The following CALB2 variants were observed in gnomAD, a reference collection of about 807,000 sequenced individuals.
CALB2 encodes the protein calbindin 2, also known as calretinin.
Under a neutral mutation model 45.9 loss-of-function variants are expected in CALB2, and 34 were observed. That is an observed-to-expected ratio of 0.74 (90% CI 0.56 to 0.99). CALB2 has a LOEUF of 0.99. Ranked by LOEUF, CALB2 falls within the 50% of genes least tolerant of loss-of-function variation. The probability of loss-of-function intolerance (pLI) is 0.00; values close to 1 mark genes in which losing one functional copy is unlikely to be tolerated. For missense variants in CALB2, 344 were observed against 339.3 expected (o/e 1.01, Z -0.11); for synonymous variants, 142 against 129.6 (o/e 1.10, Z -0.65).
At chr16:71,368,757 C>A (rs922298115) in intron 1 of CALB2, among the ~76,000 whole-genome samples, 7 of 152,034 alleles carry the variant, frequency 4.6e-5, no homozygotes, top group Non-Finnish European at 2.9e-5. Flanking sequence ...ACAGGTCTTA[C>A]CCATAGTGAG....
At chr16:71,380,286 C>G (rs1449018659) in intron 4 of CALB2, among the ~76,000 whole-genome samples, 2 of 106,794 alleles carry the variant, frequency 1.9e-5, no homozygotes, top group Non-Finnish European at 3.5e-5. Context: ...TTCTTTCCTT[C>G]CTTTTCTTTT....
At chr16:71,361,289 G>A (rs1234961387) in intron 1 of CALB2, among the ~76,000 whole-genome samples, 1 of 152,176 alleles carries the variant, frequency 6.6e-6, no homozygotes, top group Non-Finnish European at 1.5e-5. Context: ...AGGTGACTTA[G>A]GAAGATATGT....
chr16:71,358,940 A>C, intron 1 of CALB2, 54 bp downstream of exon 1: 1 of 1,509,444 alleles, frequency 6.6e-7, no homozygotes, highest in Non-Finnish European at 9.1e-7. Context: ...ACCTGCGGTG[A>C]AGGGGGCAGG....
At chr16:71,384,066 C>T (rs1238860168) in intron 7 of CALB2, 41 bp downstream of exon 7, 1 of 1,590,160 alleles carries the variant, frequency 6.3e-7, no homozygotes, top group African/African-American at 1.3e-5. Context: ...CTGGCTCCCA[C>T]AGGTCATTCC....
At chr16:71,387,932 C>T (rs764791431) in intron 10 of CALB2, among the ~76,000 whole-genome samples, 1 of 152,010 alleles carries the variant, frequency 6.6e-6, no homozygotes, top group African/African-American at 2.4e-5. Flanking sequence ...AAAAGAGAAG[C>T]CCCGGCACAA....
intron 1 of CALB2, among the ~76,000 whole-genome samples, chr16:71,363,483 C>T (rs2042253539): frequency 6.6e-6 from 1 of 152,202 alleles, no homozygotes; most frequent in African/African-American, 2.4e-5. Context: ...CTCTGAAACC[C>T]AGTGACCTGG....
intron 1 of CALB2, among the ~76,000 whole-genome samples, chr16:71,371,180 C>T (rs1291557902): frequency 6.6e-6 from 1 of 152,184 alleles, no homozygotes; most frequent in Admixed American, 6.5e-5. Context: ...TTGGTAAGCA[C>T]AGCAGAACCA....
At chr16:71,383,841 C>A in intron 6 of CALB2, 129 bp from the exon 7 acceptor site, 2 of 1,062,432 alleles carry the variant, frequency 1.9e-6, no homozygotes, top group Non-Finnish European at 2.9e-6. Flanking sequence ...TGGTTCTTGG[C>A]CCCTACGGAC....
At position 71,390,056 on chromosome 16, in the gene CALB2, C is replaced by T. The variant is rs1418039036; in HGVS notation, c.*191C>T. 19 of 580,838 alleles carry T rather than the reference C, an allele frequency of 3.3e-5. No homozygotes were observed. The highest frequency in any genetic ancestry group is 5.5e-5 in the Non-Finnish European group (18 of 324,334). 36.0% of individuals were successfully genotyped at this position (580,838 alleles called of 1,614,324 possible). A position where few individuals can be genotyped will look rare whatever the true frequency, so the allele number is the denominator to read the frequency against. On this transcript the variant is annotated 3_prime_UTR_variant, in exon 11 of 11. Coordinates refer to ENST00000302628, the MANE Select transcript of CALB2 (RefSeq NM_001740.5). ...GCTGTCCTGAGCCCCCTGCACCCAC[C>T]CCTGCCCAGGCAGTCTTTGCTCAGT...
intron 1 of CALB2, among the ~76,000 whole-genome samples, chr16:71,363,819 C>T (rs1022935632): frequency 1.3e-5 from 2 of 152,178 alleles, no homozygotes; most frequent in Non-Finnish European, 2.9e-5. Flanking sequence ...TTTATCAAAA[C>T]GATTGGGTCT....
In CALB2 at chr16:71,389,814, G is replaced by A. The variant is rs575073698; in HGVS notation, c.765G>A (p.Lys255=). ...TCATGTCCTTGGCAGAGGCAGGGAAGCTCTACCGCAAGGACCTGGAGATTG... is the reference window on the plus strand; with the variant it reads ...TCATGTCCTTGGCAGAGGCAGGGAAACTCTACCGCAAGGACCTGGAGATTG... ...KSVMSLAEAG[K]LYRKDLEIVL... The change falls in exon 11 of 11, where the codon AAG becomes AAA. Residue 255 remains lysine, a synonymous_variant. Coordinates refer to ENST00000302628, the MANE Select transcript of CALB2 (RefSeq NM_001740.5). 18 of 1,613,896 alleles carry A rather than the reference G, an allele frequency of 1.1e-5. No individual in the cohort carries two copies. The highest frequency in any genetic ancestry group is 4.0e-5 in the African/African-American group (3 of 74,910).
chr16:71,377,032 G>A (rs959993888), intron 3 of CALB2, among the ~76,000 whole-genome samples: 2 of 152,180 alleles, frequency 1.3e-5, no homozygotes, highest in African/African-American at 2.4e-5. Flanking sequence ...CTTCACCAAC[G>A]TAGACTCATC....
At chr16:71,386,386 A>G (rs1214166967) in intron 10 of CALB2, among the ~76,000 whole-genome samples, 2 of 152,254 alleles carry the variant, frequency 1.3e-5, no homozygotes, top group East Asian at 3.8e-4. Context: ...TCTGGAGGAC[A>G]GAGGCCAGTG....
chr16:71,368,146 C>T (rs1284223002), intron 1 of CALB2, among the ~76,000 whole-genome samples: 1 of 152,234 alleles, frequency 6.6e-6, no homozygotes, highest in Non-Finnish European at 1.5e-5. Context: ...ACCCACACCC[C>T]ATTACAGCAT....
intron 6 of CALB2, 140 bp downstream of exon 6, chr16:71,383,584 G>A: frequency 1.3e-6 from 1 of 748,630 alleles, no homozygotes; most frequent in Non-Finnish European, 2.2e-6. Context: ...TGGCAAAAAG[G>A]GATGCTACTT....
At chr16:71,388,334 C>CAAAAAAAAAAAAAAAAAAAAAAAAA (rs71153632) in intron 10 of CALB2, among the ~76,000 whole-genome samples, 1 of 103,420 alleles carries the variant, frequency 9.7e-6, no homozygotes, top group Non-Finnish European at 1.8e-5. Flanking sequence ...GACCTTATCT[C>CAAAAAAAAAAAAAAAAAAAAAAAAA]AAAAAAAAAA....
chr16:71,389,103 G>A (rs1478639354), intron 10 of CALB2, among the ~76,000 whole-genome samples: 4 of 151,582 alleles, frequency 2.6e-5, no homozygotes, highest in East Asian at 1.9e-4. Flanking sequence ...CAGGAGAATC[G>A]CTTGAACCCG....
chr16:71,367,270 T>G (rs755911758), intron 1 of CALB2, among the ~76,000 whole-genome samples: 2 of 152,208 alleles, frequency 1.3e-5, no homozygotes, highest in Non-Finnish European at 2.9e-5. Flanking sequence ...AAGTTAGAAG[T>G]GATGGTTGCC....
intron 1 of CALB2, among the ~76,000 whole-genome samples, chr16:71,368,861 G>A (rs563852280): frequency 3.9e-5 from 6 of 152,290 alleles, no homozygotes; most frequent in East Asian, 1.9e-4. Context: ...CCTGCTGGGC[G>A]AGGCACTGGA....
Sources: allele counts gnomAD v4.1 joint callset (sites outside exome capture counted in the v4.1 genomes callset), GRCh38; gene constraint gnomAD v4.1.1; transcripts MANE v1.5; gene names NCBI Gene and HGNC (gene_info 2026-07-23, HGNC 2026-07-21).